The following ADARB2 variants were observed in gnomAD, a reference collection of about 807,000 sequenced individuals.
The protein encoded by ADARB2 is adenosine deaminase RNA specific B2 (inactive).
A neutral mutation model predicts 62.2 loss-of-function variants in ADARB2; 25 were observed. The ratio of observed to expected loss-of-function variants is 0.40; its 90% CI spans 0.29 to 0.56. The LOEUF is 0.56. Ranked by LOEUF, ADARB2 falls within the 20% of genes least tolerant of loss-of-function variation. The pLI, the probability that ADARB2 is intolerant of heterozygous loss-of-function variation, is 0.43. For synonymous variants in ADARB2, 572 were observed against 500.8 expected (o/e 1.14, Z -1.90); for missense variants, 1,071 against 1,077.4 (o/e 0.99, Z 0.08).
At chr10:1,281,790 C>G (rs1831373475) in intron 3 of ADARB2, among the ~76,000 whole-genome samples, 2 of 152,330 alleles carry the variant, frequency 1.3e-5, no homozygotes, top group South Asian at 4.1e-4. Context: ...AAAGCCAACC[C>G]CATCTCCTCC....
chr10:1,636,154 G>C (rs544509271), intron 1 of ADARB2, among the ~76,000 whole-genome samples: 2 of 152,076 alleles, frequency 1.3e-5, no homozygotes. Context: ...GCGAGTTGAG[G>C]GGGGTGCAAG....
chr10:1,611,156 A>G (rs1319669451), intron 1 of ADARB2, among the ~76,000 whole-genome samples: 2 of 152,176 alleles, frequency 1.3e-5, no homozygotes, highest in Non-Finnish European at 1.5e-5. Context: ...GGCTTTCCCC[A>G]GAAAGGCTGA....
intron 1 of ADARB2, among the ~76,000 whole-genome samples, chr10:1,399,900 C>T (rs1374388982): frequency 6.6e-6 from 1 of 152,186 alleles, no homozygotes; most frequent in East Asian, 1.9e-4. Flanking sequence ...TGGGAGGCTG[C>T]CCCAAGGAAG....
rs532234732 is a variant in ADARB2, at chr10:1,390,289, A to T, written c.101-11129T>A. Among the ~76,000 whole-genome samples the T allele has an allele frequency of 2.0e-5, 3 of 152,324 alleles. No homozygotes were observed. In the East Asian group the frequency reaches 5.8e-4, roughly 29 times the overall value. The stretch of plus-strand genomic sequence containing the variant: ...TCCGTGGAGAAAGCAGAGCATGGGC[A>T]TCTCTGAAGGGTGCTTGTAGATTGT... On this transcript the variant is annotated intron_variant, in intron 1 of 9. Coordinates refer to ENST00000381312, the MANE Select transcript of ADARB2 (RefSeq NM_018702.4).
chr10:1,289,178 A>G (rs1205978737), intron 3 of ADARB2, among the ~76,000 whole-genome samples: 1 of 152,168 alleles, frequency 6.6e-6, no homozygotes, highest in African/African-American at 2.4e-5. Context: ...TCTACTGATC[A>G]TAACTCTTTC....
chr10:1,714,417 C>T (rs1834990660), intron 1 of ADARB2, among the ~76,000 whole-genome samples: 2 of 152,344 alleles, frequency 1.3e-5, no homozygotes, highest in South Asian at 4.1e-4. Context: ...CATGTCTAAT[C>T]TGCATGAAGC....
chr10:1,218,691 G>A (rs758814298), intron 6 of ADARB2, among the ~76,000 whole-genome samples: 8 of 152,062 alleles, frequency 5.3e-5, no homozygotes, highest in South Asian at 2.1e-4. Flanking sequence ...GTTTACTACC[G>A]TCCCCTTGGT....
At chr10:1,441,580 A>G (rs1321103787) in intron 1 of ADARB2, among the ~76,000 whole-genome samples, 1 of 152,234 alleles carries the variant, frequency 6.6e-6, no homozygotes, top group Non-Finnish European at 1.5e-5. Context: ...TGAAGTAGGT[A>G]TTACTCTTCA....
At chr10:1,663,997 T>A (rs1269366123) in intron 1 of ADARB2, among the ~76,000 whole-genome samples, 1 of 152,228 alleles carries the variant, frequency 6.6e-6, no homozygotes, top group African/African-American at 2.4e-5. Context: ...CTGAAGGACA[T>A]CTGGCTGCTG....
intron 1 of ADARB2, among the ~76,000 whole-genome samples, chr10:1,465,708 TA>T (rs752942506): frequency 9.3e-4 from 141 of 152,290 alleles, no homozygotes; most frequent in Middle Eastern, 3.4e-3. Context: ...GCACGTGATG[TA>T]TGGACAAGCA....
At chr10:1,572,380 C>T (rs917784987) in intron 1 of ADARB2, among the ~76,000 whole-genome samples, 2 of 152,156 alleles carry the variant, frequency 1.3e-5, no homozygotes, top group Admixed American at 1.3e-4. Flanking sequence ...CATCAGGCAG[C>T]TATGCTGTGA....
intron 8 of ADARB2, among the ~76,000 whole-genome samples, chr10:1,198,173 T>C (rs552092518): frequency 7.2e-5 from 11 of 152,352 alleles, no homozygotes; most frequent in Middle Eastern, 3.4e-3. Flanking sequence ...AACATTACTA[T>C]GCATCCCGTG....
chr10:1,442,759 C>A (rs968885926), intron 1 of ADARB2, among the ~76,000 whole-genome samples: 1 of 152,064 alleles, frequency 6.6e-6, no homozygotes, highest in African/African-American at 2.4e-5. Flanking sequence ...AACACTTTGC[C>A]GTTTTGATTT....
chr10:1,266,619 C>T (rs1388091914), intron 4 of ADARB2, among the ~76,000 whole-genome samples: 2 of 152,128 alleles, frequency 1.3e-5, no homozygotes, highest in Admixed American at 6.6e-5. Context: ...GACCAGCCGG[C>T]CACCACCGCA....
At chr10:1,657,739 G>A (rs7071633) in intron 1 of ADARB2, among the ~76,000 whole-genome samples, 34,705 of 152,198 alleles carry the variant, frequency 0.23, 4,034 homozygotes, top group East Asian at 0.28. Flanking sequence ...GCCATGGTGA[G>A]AGCTTCCTTT....
intron 7 of ADARB2, among the ~76,000 whole-genome samples, chr10:1,212,007 G>C (rs1001819831): frequency 6.6e-6 from 1 of 152,120 alleles, no homozygotes; most frequent in African/African-American, 2.4e-5. Context: ...ATCCTGCGCC[G>C]GGCATGGTGC....
In ADARB2 at chr10:1,274,486, A is replaced by G. The variant is rs964452215; in HGVS notation, c.1078-3417T>C. Reference sequence around the variant, plus strand: ...TGTTTTTTTTTTAGGATGAAGTTTCAAATGTCTAAGAAGTGATAGCTTGTC... The same window carrying G: ...TGTTTTTTTTTTAGGATGAAGTTTCGAATGTCTAAGAAGTGATAGCTTGTC... On this transcript the variant is annotated intron_variant, in intron 3 of 9. Coordinates refer to ENST00000381312, the MANE Select transcript of ADARB2 (RefSeq NM_018702.4). Among the ~76,000 whole-genome samples, 4 of 151,984 alleles carry G rather than the reference A, an allele frequency of 2.6e-5. 1 individual carries two copies. Among genetic ancestry groups the G allele is most frequent in the Admixed American group, 2.6e-4 (4 of 15,278 alleles).
intron 4 of ADARB2, among the ~76,000 whole-genome samples, chr10:1,267,497 G>A (rs1027966005): frequency 6.6e-6 from 1 of 152,296 alleles, no homozygotes; most frequent in South Asian, 2.1e-4. Context: ...CACGTGCCTC[G>A]ATGGGCCTGG....
intron 6 of ADARB2, among the ~76,000 whole-genome samples, chr10:1,225,240 C>G (rs1170275252): frequency 6.6e-6 from 1 of 152,094 alleles, no homozygotes; most frequent in African/African-American, 2.4e-5. Context: ...GATTGCAACC[C>G]CTGCCTTTTT....
Sources: gnomAD v4.1 joint callset for allele counts (sites outside exome capture counted in the v4.1 genomes callset) on GRCh38, gnomAD v4.1.1 for gene constraint, MANE v1.5 for transcripts, NCBI Gene and HGNC (gene_info 2026-07-23, HGNC 2026-07-21) for gene names.